The following CDKAL1 variants were observed in gnomAD, a reference collection of about 807,000 sequenced individuals.
The protein encoded by CDKAL1 is CDKAL1 threonylcarbamoyladenosine tRNA methylthiotransferase, also known as threonylcarbamoyladenosine tRNA methylthiotransferase.
Under a neutral mutation model 68.2 loss-of-function variants are expected in CDKAL1, and 32 were observed. The observed-to-expected ratio is 0.47, with a 90% CI of 0.35 to 0.63. The LOEUF is 0.63. Among genes scored for constraint, CDKAL1 ranks in the 30% least tolerant of loss-of-function variants. CDKAL1 has a pLI of 0.00. For synonymous variants in CDKAL1, 234 were observed against 244.3 expected (o/e 0.96, Z 0.39); for missense variants, 606 against 696.7 (o/e 0.87, Z 1.47).
At chr6:20,708,365 A>G (rs760986756) in intron 5 of CDKAL1, among the ~76,000 whole-genome samples, 7 of 152,114 alleles carry the variant, frequency 4.6e-5, no homozygotes, top group Admixed American at 2.0e-4. Flanking sequence ...GGCCTACTTT[A>G]CTATATATGA....
intron 15 of CDKAL1, among the ~76,000 whole-genome samples, chr6:21,223,355 A>G (rs1329885801): frequency 1.3e-5 from 2 of 152,188 alleles, no homozygotes; most frequent in East Asian, 3.9e-4. Context: ...GTTAACTCCT[A>G]TTAGCTACTT....
chr6:21,007,131 T>C (rs984229162), intron 11 of CDKAL1, among the ~76,000 whole-genome samples: 1 of 152,052 alleles, frequency 6.6e-6, no homozygotes, highest in East Asian at 1.9e-4. Context: ...ATGTCAGGGT[T>C]CGGAATGGTT....
At chr6:20,573,080 T>C (rs933085393) in intron 4 of CDKAL1, among the ~76,000 whole-genome samples, 2 of 152,202 alleles carry the variant, frequency 1.3e-5, no homozygotes, top group African/African-American at 4.8e-5. Flanking sequence ...CTCCTTCTAA[T>C]ATGATGACAT....
At chr6:20,785,886 C>G (rs1394952018) in intron 8 of CDKAL1, among the ~76,000 whole-genome samples, 1 of 152,096 alleles carries the variant, frequency 6.6e-6, no homozygotes, top group Non-Finnish European at 1.5e-5. Flanking sequence ...AACCATTAGA[C>G]TTTGCAAAGT....
At chr6:21,014,595 A>T (rs1485328299) in intron 11 of CDKAL1, among the ~76,000 whole-genome samples, 1 of 150,800 alleles carries the variant, frequency 6.6e-6, no homozygotes, top group Non-Finnish European at 1.5e-5. Context: ...TGGGTGACAG[A>T]GCGAGACTCC....
intron 15 of CDKAL1, among the ~76,000 whole-genome samples, chr6:21,229,424 C>T (rs1779871478): frequency 6.6e-6 from 1 of 152,132 alleles, no homozygotes; most frequent in African/African-American, 2.4e-5. Flanking sequence ...CTCCTGCCTC[C>T]CTTCAGTCCA....
At chr6:20,879,033 C>A (rs917136481) in intron 9 of CDKAL1, among the ~76,000 whole-genome samples, 5 of 151,464 alleles carry the variant, frequency 3.3e-5, no homozygotes, top group Non-Finnish European at 7.4e-5. Context: ...GAGCCGAGAT[C>A]GCACCATTGC....
At chr6:20,596,437 C>A (rs1765827732) in intron 4 of CDKAL1, among the ~76,000 whole-genome samples, 1 of 152,200 alleles carries the variant, frequency 6.6e-6, no homozygotes, top group Non-Finnish European at 1.5e-5. Context: ...CCAGTTCAAA[C>A]TTCCTGGCAG....
At chr6:20,835,153 G>A (rs1482724221) in intron 8 of CDKAL1, among the ~76,000 whole-genome samples, 5 of 152,134 alleles carry the variant, frequency 3.3e-5, no homozygotes, top group Non-Finnish European at 5.9e-5. Context: ...GTGACAGAGA[G>A]ACACAAGGAA....
intron 8 of CDKAL1, among the ~76,000 whole-genome samples, chr6:20,783,422 GTTC>G (rs1260883750): frequency 1.3e-5 from 2 of 152,126 alleles, no homozygotes; most frequent in African/African-American, 2.4e-5. Flanking sequence ...TAGTCCCTAT[GTTC>G]TTCTTCATTT....
At chr6:20,700,534 C>G (rs924620744) in intron 5 of CDKAL1, among the ~76,000 whole-genome samples, 2 of 151,906 alleles carry the variant, frequency 1.3e-5, no homozygotes, top group African/African-American at 4.8e-5. Flanking sequence ...AATTACAGGC[C>G]TGGGCAGAAA....
chr6:20,671,136 C>T (rs1769795136), intron 5 of CDKAL1, among the ~76,000 whole-genome samples: 1 of 152,194 alleles, frequency 6.6e-6, no homozygotes, highest in African/African-American at 2.4e-5. Flanking sequence ...ATCCTTACCA[C>T]CAAGTGTGAA....
At chr6:20,685,289 G>C (rs1015000261) in intron 5 of CDKAL1, among the ~76,000 whole-genome samples, 4 of 152,094 alleles carry the variant, frequency 2.6e-5, no homozygotes, top group African/African-American at 9.7e-5. Context: ...TTCGCTCCTT[G>C]GTCAAAGATC....
intron 13 of CDKAL1, among the ~76,000 whole-genome samples, chr6:21,176,560 G>A (rs762144776): frequency 2.0e-5 from 3 of 152,168 alleles, no homozygotes; most frequent in Non-Finnish European, 2.9e-5. Context: ...GTAGCAAGCC[G>A]CCTGCACATG....
intron 12 of CDKAL1, among the ~76,000 whole-genome samples, chr6:21,103,639 A>G (rs776385363): frequency 1.1e-4 from 17 of 152,188 alleles, no homozygotes; most frequent in Admixed American, 5.2e-4. Context: ...TTACTTTTAA[A>G]TATCCTCTCA....
chr6:21,109,926 CTTT>C (rs1231764186), intron 13 of CDKAL1, among the ~76,000 whole-genome samples: 2 of 152,188 alleles, frequency 1.3e-5, no homozygotes, highest in Non-Finnish European at 2.9e-5. Context: ...TTCCATTCTT[CTTT>C]TATTAGAACT....
intron 9 of CDKAL1, among the ~76,000 whole-genome samples, chr6:20,950,977 A>AAG (rs1764498557): frequency 6.6e-6 from 1 of 151,686 alleles, no homozygotes; most frequent in African/African-American, 2.4e-5. Flanking sequence ...CAGAAAAAAA[A>AAG]AAAAAGAAAA....
intron 6 of CDKAL1, among the ~76,000 whole-genome samples, chr6:20,755,541 T>A (rs1774131908): frequency 6.6e-6 from 1 of 152,212 alleles, no homozygotes; most frequent in Non-Finnish European, 1.5e-5. Flanking sequence ...CTTCGTCTCA[T>A]CTAAAATGCA....
intron 5 of CDKAL1, among the ~76,000 whole-genome samples, chr6:20,684,000 T>C (rs1332921475): frequency 6.6e-6 from 1 of 152,252 alleles, no homozygotes; most frequent in Non-Finnish European, 1.5e-5. Flanking sequence ...CTTAGTAATA[T>C]GCACTTAAGT....
Sources: allele counts gnomAD v4.1 joint callset (sites outside exome capture counted in the v4.1 genomes callset), GRCh38; gene constraint gnomAD v4.1.1; transcripts MANE v1.5; gene names NCBI Gene and HGNC (gene_info 2026-07-23, HGNC 2026-07-21).